ATPAF2: variants seen among roughly 807,000 people sequenced by gnomAD.
The protein encoded by ATPAF2 is ATP12 homolog.
A neutral mutation model predicts 36.6 loss-of-function variants in ATPAF2; 30 were observed. That is an observed-to-expected ratio of 0.82 (90% CI 0.61 to 1.11). The LOEUF (loss-of-function observed/expected upper bound fraction) is 1.11, where lower values mean the gene tolerates loss of function less well. Ranked by LOEUF, ATPAF2 falls within the 50% of genes most tolerant of loss-of-function variation. ATPAF2 has a pLI of 0.00. For missense variants in ATPAF2, 321 were observed against 372.3 expected (o/e 0.86, Z 1.13); for synonymous variants, 140 against 152.6 (o/e 0.92, Z 0.61).
At chr17:18,039,159 TCTTCCGCATGACACCTACGGCG>T (rs2044753195) in exon 1 of ATPAF2, 3 of 1,194,224 alleles carry the variant, frequency 2.5e-6, no homozygotes, top group Non-Finnish European at 2.4e-6. This position sits in a 1 kb window ranked among gnomAD's most constrained non-coding sequence, Gnocchi z 5.3. Flanking sequence ...GACGCCGCCA[TCTTCCGCATGACACCTACGGCG>T]CGCCGTCGCC....
chr17:18,030,672 T>TTTC lies in ATPAF2; in HGVS notation c.134-2014_134-2013insGAA, dbSNP rs112857847. 2.7e-3 allele frequency among the ~76,000 whole-genome samples: 395 copies of TTTC among 146,112 alleles called. 2 individuals are homozygous for TTTC. The highest frequency in any genetic ancestry group is 9.4e-3 in the African/African-American group (376 of 39,936). ...TCCAAATATTTTTTTTCTTTTTCTT[T>TTTC]TTTTTTTTTTTTTGAGATGGAGTCT... On this transcript the variant is annotated intron_variant, in intron 1 of 7. Transcript: ENST00000474627.
At chr17:18,017,893 C>T (rs62073569), downstream of ATPAF2, 2,100 of 155,046 alleles carry the variant, frequency 0.014, 23 homozygotes, top group Middle Eastern at 0.044. Flanking sequence ...GAAACATGCA[C>T]ATCAGGTGAC....
intron 7 of ATPAF2, among the ~76,000 whole-genome samples, chr17:18,018,954 T>C (rs1174503588): frequency 1.3e-5 from 2 of 152,026 alleles, no homozygotes; most frequent in East Asian, 3.9e-4. Context: ...TGGGCAAATA[T>C]GGTGCAACCT....
rs2044472403 is a variant in ATPAF2 at position 18,021,791 on chromosome 17, C to CT, written c.569dup (p.Val191GlyfsTer18). ...AAGATGCCAGGTGGCTGACGAGCAC[C>CT]TCCCGAGTTTTGGCAGGGATGCTGG... On this transcript the variant is annotated frameshift_variant, in exon 6 of 8. Coordinates refer to ENST00000474627, the MANE Select transcript of ATPAF2 (RefSeq NM_145691.4). LOFTEE classifies it high-confidence loss of function. 12 of 1,614,080 alleles carry CT rather than the reference C, an allele frequency of 7.4e-6. No individual in the cohort carries two copies. Among genetic ancestry groups the CT allele is most frequent in the Non-Finnish European group, 1.0e-5 (12 of 1,180,042 alleles).
chr17:18,017,676 G>A (rs2044404652), downstream of ATPAF2, among the ~76,000 whole-genome samples: 1 of 152,246 alleles, frequency 6.6e-6, no homozygotes, highest in Non-Finnish European at 1.5e-5. Flanking sequence ...CACCCAGCAT[G>A]CGATCAGTGC....
At chr17:18,029,734 G>A (rs1300336560) in intron 1 of ATPAF2, among the ~76,000 whole-genome samples, 1 of 151,836 alleles carries the variant, frequency 6.6e-6, no homozygotes, top group East Asian at 1.9e-4. Flanking sequence ...GGGATTACAG[G>A]CATGCGCCAA....
Position 18,018,336 on chromosome 17 carries a change from A to G in ATPAF2, c.*213T>C. On this transcript the variant is annotated 3_prime_UTR_variant, in exon 8 of 8. Coordinates refer to ENST00000474627, the MANE Select transcript of ATPAF2 (RefSeq NM_145691.4). ...CTTGCACAATTCATCTCCTACATTC[A>G]CTGCTGGCCAGGCCAGGGGCACCTG... 1.6e-6 allele frequency: 1 copy of G among 613,700 alleles called. No homozygotes were observed. Among genetic ancestry groups the G allele is most frequent in the Non-Finnish European group, 2.9e-6 (1 of 348,470 alleles). 38.0% of individuals were successfully genotyped at this position (613,700 alleles called of 1,614,324 possible).
At chr17:18,017,494 C>T (rs1363182958), downstream of ATPAF2, among the ~76,000 whole-genome samples, 1 of 152,234 alleles carries the variant, frequency 6.6e-6, no homozygotes, top group Non-Finnish European at 1.5e-5. Flanking sequence ...GCCTGCCCAC[C>T]AAGGCTGAGG....
intron 4 of ATPAF2, 25 bp downstream of exon 4, chr17:18,026,294 G>A: frequency 6.3e-7 from 1 of 1,583,346 alleles, no homozygotes. Context: ...AATCCAAGGG[G>A]AATGCCCATC....
chr17:18,019,186 C>CACACA (rs71155310), intron 7 of ATPAF2, among the ~76,000 whole-genome samples: 8 of 147,146 alleles, frequency 5.4e-5, no homozygotes, highest in African/African-American at 7.5e-5. Flanking sequence ...CACACACACA[C>CACACA]CCCACCACCC....
rs534667313 is a variant in ATPAF2, at chr17:18,018,621, G to A, written c.798C>T (p.Thr266=). ...GATGGATGAAGAGGGTGCCGGCGGC[G>A]GTGCGGGCCCGCAGCTCCTGCAGCT... ...DYELQELRAR[T]AAGTLFIHLC... Residue 266 remains threonine (T), a synonymous_variant, in exon 8 of 8, where the codon ACC becomes ACT. Coordinates refer to ENST00000474627, the MANE Select transcript of ATPAF2 (RefSeq NM_145691.4). 105 of 1,613,984 alleles carry A rather than the reference G, an allele frequency of 6.5e-5. 1 individual carries two copies. Among genetic ancestry groups the A allele is most frequent in the South Asian group, 5.2e-4 (47 of 91,084 alleles).
At chr17:18,017,663 A>G (rs2044404512), downstream of ATPAF2, among the ~76,000 whole-genome samples, 2 of 152,212 alleles carry the variant, frequency 1.3e-5, no homozygotes, top group Non-Finnish European at 2.9e-5. Flanking sequence ...AAGCGTGGAG[A>G]GGCACCCAGC....
rs1279102280 is a variant in ATPAF2, at chr17:18,028,212, T to A, written c.324+20A>T. The A allele has an allele frequency of 1.1e-5, 17 of 1,614,018 alleles. No homozygotes were observed. The highest frequency in any genetic ancestry group is 1.4e-5 in the Non-Finnish European group (17 of 1,180,026). On this transcript the variant is annotated intron_variant, in intron 3 of 7. Coordinates refer to ENST00000474627, the MANE Select transcript of ATPAF2 (RefSeq NM_145691.4). Reference sequence around the variant, plus strand: ...CCTGGGTGGGTCTCAGGGTCCAGGTTCACACTGTGAACTTGTTACCAGGTG... The same window carrying A: ...CCTGGGTGGGTCTCAGGGTCCAGGTACACACTGTGAACTTGTTACCAGGTG...
intron 5 of ATPAF2, 53 bp downstream of exon 5, chr17:18,024,571 T>C (rs1268709879): frequency 5.3e-6 from 8 of 1,499,606 alleles, no homozygotes; most frequent in Non-Finnish European, 7.4e-6. Context: ...ACCCCTACAC[T>C]CCACCAAACG....
Position 18,018,498 on chromosome 17 carries a change from G to A in ATPAF2, c.*51C>T. The A allele has an allele frequency of 6.2e-7, 1 of 1,608,366 alleles. No individual in the cohort carries two copies. The highest frequency in any genetic ancestry group is 8.5e-7 in the Non-Finnish European group (1 of 1,179,786). ...AGGCTGGGGAGCCCTGAAGGCCGGG[G>A]GAGCTGTGGCTGCACTGCCTCTATC... On this transcript the variant is annotated 3_prime_UTR_variant, in exon 8 of 8. Transcript: ENST00000474627.
chr17:18,028,593 A>G (rs2044582206), intron 2 of ATPAF2, 22 bp downstream of exon 2: 1 of 1,515,708 alleles, frequency 6.6e-7, no homozygotes. Context: ...AAAAAGAGGC[A>G]GTCAAAATTT....
chr17:18,032,619 T>A (rs557952089), intron 1 of ATPAF2, among the ~76,000 whole-genome samples: 72 of 152,326 alleles, frequency 4.7e-4, no homozygotes, highest in African/African-American at 1.7e-3. Flanking sequence ...TGGTGAGTAC[T>A]GATCATGTTC....
intron 4 of ATPAF2, among the ~76,000 whole-genome samples, chr17:18,025,867 C>G (rs1455929535): frequency 1.3e-5 from 2 of 152,368 alleles, no homozygotes; most frequent in Non-Finnish European, 2.9e-5. Context: ...TGTTTCTCAA[C>G]TTTCCTTTGG....
At chr17:18,031,651 G>A (rs2044637915) in intron 1 of ATPAF2, among the ~76,000 whole-genome samples, 1 of 152,018 alleles carries the variant, frequency 6.6e-6, no homozygotes, top group Non-Finnish European at 1.5e-5. Context: ...GTGGTGGCGG[G>A]CGCCTGTAGT....
Sources: gnomAD v4.1 joint callset for allele counts (sites outside exome capture counted in the v4.1 genomes callset) on GRCh38, gnomAD v4.1.1 for gene constraint, Gnocchi (gnomAD v3.1) non-coding constraint, MANE v1.5 for transcripts, NCBI Gene and HGNC (gene_info 2026-07-23, HGNC 2026-07-21) for gene names.